The following CHN2 variants were observed in gnomAD, a reference collection of about 807,000 sequenced individuals.
The protein encoded by CHN2 is beta-chimaerin.
Under a neutral mutation model 56.3 loss-of-function variants are expected in CHN2, and 35 were observed. The ratio of observed to expected loss-of-function variants is 0.62; its 90% CI spans 0.47 to 0.82. CHN2 has a LOEUF of 0.82. Ranked by LOEUF, CHN2 falls within the 40% of genes least tolerant of loss-of-function variation. The pLI, the probability that CHN2 is intolerant of heterozygous loss-of-function variation, is 0.00. For missense variants in CHN2, 491 were observed against 580.5 expected (o/e 0.85, Z 1.58); for synonymous variants, 210 against 212.8 (o/e 0.99, Z 0.12).
intron 1 of CHN2, among the ~76,000 whole-genome samples, chr7:29,227,893 ACT>A (rs1443379638): frequency 6.6e-6 from 1 of 151,878 alleles, no homozygotes; most frequent in Non-Finnish European, 1.5e-5. Flanking sequence ...AAAGAATTTC[ACT>A]CTTTCATTGT....
chr7:29,324,773 A>G (rs1795676146), intron 1 of CHN2, among the ~76,000 whole-genome samples: 1 of 152,210 alleles, frequency 6.6e-6, no homozygotes, highest in African/African-American at 2.4e-5. Flanking sequence ...CATTTATTCT[A>G]GAAAGAGTAA....
At chr7:29,340,731 C>T (rs1244725071) in intron 1 of CHN2, among the ~76,000 whole-genome samples, 1 of 152,168 alleles carries the variant, frequency 6.6e-6, no homozygotes, top group Non-Finnish European at 1.5e-5. Flanking sequence ...CCCTCACAGG[C>T]CAGGAGTGTG....
At chr7:29,371,846 A>G (rs753453453) in intron 3 of CHN2, among the ~76,000 whole-genome samples, 1 of 151,992 alleles carries the variant, frequency 6.6e-6, no homozygotes, top group African/African-American at 2.4e-5. Context: ...TATATCTCGC[A>G]TTGTCCACTG....
chr7:29,389,665 C>CA (rs1801203812), intron 3 of CHN2, among the ~76,000 whole-genome samples: 1 of 152,138 alleles, frequency 6.6e-6, no homozygotes, highest in Non-Finnish European at 1.5e-5. Flanking sequence ...TTCTGGTCAA[C>CA]AGGGATATAA....
chr7:29,292,256 A>G (rs565658398), intron 1 of CHN2, among the ~76,000 whole-genome samples: 1 of 152,342 alleles, frequency 6.6e-6, no homozygotes, highest in East Asian at 1.9e-4. Flanking sequence ...ATGCAGACTA[A>G]TAGTATTTCA....
At chr7:29,363,006 G>A (rs1798858975) in intron 2 of CHN2, among the ~76,000 whole-genome samples, 1 of 152,232 alleles carries the variant, frequency 6.6e-6, no homozygotes, top group African/African-American at 2.4e-5. Flanking sequence ...ATAATGGGAA[G>A]AGAAAAGTGA....
chr7:29,245,197 T>C (rs1434383958), intron 1 of CHN2, among the ~76,000 whole-genome samples: 2 of 152,334 alleles, frequency 1.3e-5, no homozygotes, highest in African/African-American at 4.8e-5. Context: ...TTATTACAGT[T>C]GACTGTGGAT....
chr7:29,392,213 G>A (rs1195563674), intron 3 of CHN2, among the ~76,000 whole-genome samples: 2 of 152,092 alleles, frequency 1.3e-5, no homozygotes, highest in Non-Finnish European at 2.9e-5. Context: ...TCTCTGGCAT[G>A]TTGGTTTTAC....
chr7:29,321,455 C>T (rs74300329), intron 1 of CHN2, among the ~76,000 whole-genome samples: 15,666 of 152,130 alleles, frequency 0.1, 842 homozygotes, highest in East Asian at 0.2. Context: ...GAGCAGGTGA[C>T]CCACTTGCCC....
chr7:29,426,555 T>C lies in CHN2; in HGVS notation c.576+25727T>C, dbSNP rs1804881953. Among the ~76,000 whole-genome samples the C allele has an allele frequency of 2.0e-5, 3 of 152,330 alleles. No homozygotes were observed. The South Asian group carries it at 6.2e-4, about 32-fold the overall frequency. Reference sequence around the variant, plus strand: ...AGTCATTCTTGCTTAAAAAATGACATGAGACATATCCAGTCTCTCTGGAGT... The same window carrying C: ...AGTCATTCTTGCTTAAAAAATGACACGAGACATATCCAGTCTCTCTGGAGT... On this transcript the variant is annotated intron_variant, in intron 6 of 12. Coordinates refer to ENST00000222792, the MANE Select transcript of CHN2 (RefSeq NM_004067.4).
In CHN2 at chr7:29,212,686, C is replaced by T. The variant is rs1032910459; in HGVS notation, c.49+17696C>T. The T allele has an allele frequency of 3.9e-6, 6 of 1,534,040 alleles. No individual in the cohort carries two copies. In the African/African-American group the frequency reaches 4.1e-5, roughly 10 times the overall value. ...GCCTCCAGCAGATGCAAGAACTCTCCAATATCTGGAACCTCAGCTACAAAC... is the reference window on the plus strand; with the variant it reads ...GCCTCCAGCAGATGCAAGAACTCTCTAATATCTGGAACCTCAGCTACAAAC... On this transcript the variant is annotated intron_variant, in intron 1 of 12. Transcript: ENST00000222792.
At chr7:29,166,916 CTA>C (rs2128719452) in intron 2 of CHN2, among the ~76,000 whole-genome samples, 1 of 152,062 alleles carries the variant, frequency 6.6e-6, no homozygotes, top group East Asian at 1.9e-4. Flanking sequence ...ACTAGTTCTA[CTA>C]TCTGTGTCAT....
intron 6 of CHN2, among the ~76,000 whole-genome samples, chr7:29,436,265 G>A (rs150303177): frequency 8.5e-5 from 13 of 152,186 alleles, no homozygotes; most frequent in East Asian, 5.8e-4. Context: ...CAGAGACCAC[G>A]CTTTGACCAG....
At chr7:29,172,311 C>T (rs1189883483) in intron 2 of CHN2, among the ~76,000 whole-genome samples, 1 of 152,196 alleles carries the variant, frequency 6.6e-6, no homozygotes, top group Non-Finnish European at 1.5e-5. Flanking sequence ...TGACTGGTCT[C>T]ATCCAGTTGA....
chr7:29,361,901 C>T (rs1013136032), intron 2 of CHN2, among the ~76,000 whole-genome samples: 4 of 152,250 alleles, frequency 2.6e-5, no homozygotes, highest in African/African-American at 7.2e-5. Flanking sequence ...TTAACTCACA[C>T]TTTCACAACC....
chr7:29,443,681 C>T (rs1308575416), intron 6 of CHN2, among the ~76,000 whole-genome samples: 1 of 151,946 alleles, frequency 6.6e-6, no homozygotes, highest in Non-Finnish European at 1.5e-5. Context: ...ATCATCATTC[C>T]AGGACCTAGG....
At chr7:29,167,941 G>A (rs13237997) in intron 2 of CHN2, among the ~76,000 whole-genome samples, 23,533 of 152,112 alleles carry the variant, frequency 0.15, 2,047 homozygotes, top group African/African-American at 0.22. Context: ...CTACAACATC[G>A]GAGGTAACTG....
chr7:29,495,907 A>T (rs757254852), intron 7 of CHN2, 45 bp from the exon 8 acceptor site: 8 of 1,558,620 alleles, frequency 5.1e-6, no homozygotes, highest in Non-Finnish European at 7.1e-6. Context: ...CCTGCCTTTA[A>T]ATGACTCTGA....
chr7:29,449,066 G>A (rs907233444), intron 6 of CHN2, among the ~76,000 whole-genome samples: 2 of 152,216 alleles, frequency 1.3e-5, no homozygotes, highest in Admixed American at 6.5e-5. Context: ...AGCCATAGGA[G>A]CTTCATACTG....
Sources: allele counts gnomAD v4.1 joint callset (sites outside exome capture counted in the v4.1 genomes callset), GRCh38; gene constraint gnomAD v4.1.1; transcripts MANE v1.5; gene names NCBI Gene and HGNC (gene_info 2026-07-23, HGNC 2026-07-21).